FLT3: variants seen among roughly 807,000 people sequenced by gnomAD.
The protein encoded by FLT3 is receptor-type tyrosine-protein kinase FLT3.
FLT3 carries 46 observed loss-of-function variants against 126.6 expected under a neutral mutation model. The observed-to-expected ratio is 0.36, with a 90% CI of 0.29 to 0.46. FLT3 has a LOEUF of 0.46. FLT3 is among the 20% of genes least tolerant of loss of function. The pLI is 1.00. For synonymous variants in FLT3, 404 were observed against 434.4 expected, an observed-to-expected ratio of 0.93 and a Z score of 0.87; for missense variants, 1,069 against 1,190.3, an observed-to-expected ratio of 0.90 and a Z score of 1.50.
At chr13:28,042,642 A>G (rs879144737) in intron 9 of FLT3, among the ~76,000 whole-genome samples, 1 of 152,184 alleles carries the variant, frequency 6.6e-6, no homozygotes, top group Admixed American at 6.5e-5. Context: ...GCACATGGTA[A>G]GAGCTCAAAG....
intron 1 of FLT3, among the ~76,000 whole-genome samples, chr13:28,090,896 A>C: frequency 6.6e-6 from 1 of 152,166 alleles, no homozygotes; most frequent in East Asian, 1.9e-4. Context: ...AGTTCCAAAC[A>C]CATTCTGAGC....
intron 23 of FLT3, among the ~76,000 whole-genome samples, chr13:28,004,577 C>A (rs1870716785): frequency 6.6e-6 from 1 of 151,936 alleles, no homozygotes; most frequent in Non-Finnish European, 1.5e-5. Context: ...CAAAGTGCTG[C>A]GATTACAGGT....
chr13:28,079,507 C>G lies in FLT3; in HGVS notation c.44-8895G>C, dbSNP rs572041126. The stretch of plus-strand genomic sequence containing the variant: ...CAGCAGCACCCCACTCTACTGGTAC[C>G]AATTTACTGTATTAGTCTGTTTTCA... On this transcript the variant is annotated intron_variant, in intron 1 of 23. Coordinates refer to ENST00000241453, the MANE Select transcript of FLT3 (RefSeq NM_004119.3). 2.6e-5 allele frequency among the ~76,000 whole-genome samples: 4 copies of G among 152,184 alleles called. No homozygotes were observed. In the East Asian group the frequency reaches 7.7e-4, roughly 29 times the overall value.
chr13:28,056,917 C>A (rs976109789), intron 4 of FLT3, among the ~76,000 whole-genome samples: 1 of 152,150 alleles, frequency 6.6e-6, no homozygotes, highest in Non-Finnish European at 1.5e-5. Context: ...CACGCTGAGA[C>A]CTTCCAATCC....
At chr13:28,048,221 C>A (rs1456905353) in intron 9 of FLT3, 54 bp downstream of exon 9, 44 of 1,447,464 alleles carry the variant, frequency 3.0e-5, no homozygotes, top group Non-Finnish European at 4.2e-5. Flanking sequence ...TCAAGGGCGA[C>A]AAGCAAGGAG....
chr13:28,054,922 T>A (rs1176616260), intron 4 of FLT3, among the ~76,000 whole-genome samples: 1 of 152,238 alleles, frequency 6.6e-6, no homozygotes, highest in Admixed American at 6.5e-5. Context: ...TGTTCATTGC[T>A]CTACTAGGTT....
chr13:28,032,741 G>T (rs1442854536), intron 15 of FLT3, among the ~76,000 whole-genome samples: 3 of 152,140 alleles, frequency 2.0e-5, no homozygotes, highest in Admixed American at 2.0e-4. Flanking sequence ...AGGGCAGAGG[G>T]GTGGGAGGAA....
chr13:28,056,884 C>G (rs1424983747), intron 4 of FLT3, among the ~76,000 whole-genome samples: 1 of 152,218 alleles, frequency 6.6e-6, no homozygotes, highest in East Asian at 1.9e-4. Flanking sequence ...TCATTTTCAT[C>G]ATCTCAGAAA....
At chr13:28,035,789 C>A in intron 11 of FLT3, 116 bp from the exon 12 acceptor site, 1 of 1,248,930 alleles carries the variant, frequency 8.0e-7, no homozygotes, top group East Asian at 2.3e-5. Flanking sequence ...CAGAAACAGT[C>A]TATGACTATT....
chr13:28,011,995 T>C (rs1179160164), intron 23 of FLT3, among the ~76,000 whole-genome samples: 1 of 152,066 alleles, frequency 6.6e-6, no homozygotes, highest in African/African-American at 2.4e-5. Context: ...GATTTTGCCA[T>C]GTTGGCCTGG....
chr13:28,094,089 A>G (rs2137832726), intron 1 of FLT3, among the ~76,000 whole-genome samples: 1 of 152,350 alleles, frequency 6.6e-6, no homozygotes, highest in South Asian at 2.1e-4. Flanking sequence ...GGAGTAAGAT[A>G]CTGCTTATCT....
rs1870637878 is a variant in FLT3, at chr13:28,003,759, T to G, written c.*293A>C. The G allele has an allele frequency of 2.8e-5, 11 of 391,572 alleles. No homozygotes were observed. In the South Asian group the frequency reaches 5.6e-4, roughly 20 times the overall value. The allele number at this position is 391,572 out of a possible 1,614,324, so 24.3% of individuals were successfully genotyped here. On this transcript the variant is annotated 3_prime_UTR_variant, in exon 24 of 24. Coordinates refer to ENST00000241453, the MANE Select transcript of FLT3 (RefSeq NM_004119.3). ...TTTGTTTTATGTATTTACAAGAATA[T>G]ACTGTACTTCAGGTACACAATTCAC...
intron 11 of FLT3, 32 bp from the exon 12 acceptor site, chr13:28,035,705 G>C (rs1873774061): frequency 6.3e-7 from 1 of 1,588,634 alleles, no homozygotes; most frequent in Admixed American, 1.8e-5. Flanking sequence ...AATTTAGACA[G>C]GTGAGCTGTC....
Position 28,028,209 on chromosome 13 carries a change from A to G in FLT3, c.2022T>C (p.Ile674=). The change falls in exon 16 of 24, where the codon ATT becomes ATC. Residue 674 remains isoleucine, a synonymous_variant. Coordinates refer to ENST00000241453, the MANE Select transcript of FLT3 (RefSeq NM_004119.3). The part of the protein sequence containing the change: ...MMTQLGSHEN[I]VNLLGACTLS... The stretch of plus-strand genomic sequence containing the variant: ...GTGTGCACGCCCCCAGCAGGTTCAC[A>G]ATATTCTCGTGGCTTCCCAGCTGGG... The G allele has an allele frequency of 1.2e-6, 2 of 1,610,092 alleles. No homozygotes were observed. Among genetic ancestry groups the G allele is most frequent in the Admixed American group, 1.7e-5 (1 of 59,998 alleles).
intron 2 of FLT3, 108 bp from the exon 3 acceptor site, chr13:28,062,177 C>T: frequency 1.4e-6 from 1 of 738,710 alleles, no homozygotes; most frequent in East Asian, 2.5e-5. Context: ...ACACTGCACG[C>T]AACACCCACA....
intron 4 of FLT3, 148 bp downstream of exon 4, chr13:28,057,199 G>T: frequency 1.6e-6 from 1 of 618,952 alleles, no homozygotes; most frequent in Non-Finnish European, 2.9e-6. Flanking sequence ...GTTCTACAGA[G>T]GGTTGACAGG....
At position 28,100,414 on chromosome 13, in the gene FLT3, G is replaced by A; in HGVS notation, c.43+54C>T. 1 of 1,183,790 alleles carries A rather than the reference G, an allele frequency of 8.4e-7. No individual in the cohort carries two copies. The highest frequency in any genetic ancestry group is 1.1e-6 in the Non-Finnish European group (1 of 948,514). 73.3% of individuals were successfully genotyped at this position (1,183,790 alleles called of 1,614,324 possible). On this transcript the variant is annotated intron_variant, in intron 1 of 23. Coordinates refer to ENST00000241453, the MANE Select transcript of FLT3 (RefSeq NM_004119.3). The surrounding 1 kb of genome is among the most constrained non-coding windows in gnomAD (Gnocchi z 4.8). ...AGGCGCGCGCCCGGGTCCACACTGC[G>A]GGGTGGGGGCTGAGGGACCGCGAGG...
chr13:28,087,775 T>C (rs1593303966), intron 1 of FLT3, among the ~76,000 whole-genome samples: 1 of 152,196 alleles, frequency 6.6e-6, no homozygotes, highest in Non-Finnish European at 1.5e-5. Flanking sequence ...AGTCCACTAA[T>C]CTTTTCTCCT....
intron 5 of FLT3, among the ~76,000 whole-genome samples, chr13:28,051,801 C>A (rs1426448669): frequency 6.6e-6 from 1 of 151,886 alleles, no homozygotes; most frequent in Non-Finnish European, 1.5e-5. Context: ...CGGTCTTGGC[C>A]TCCCAAAGTG....
Sources: allele counts gnomAD v4.1 joint callset (sites outside exome capture counted in the v4.1 genomes callset), GRCh38; gene constraint gnomAD v4.1.1; non-coding constraint Gnocchi (gnomAD v3.1); transcripts MANE v1.5; gene names NCBI Gene and HGNC (gene_info 2026-07-23, HGNC 2026-07-21).